Variants in ADAMTS20 observed in about 807,000 individuals in gnomAD.
ADAMTS20 encodes ADAM metallopeptidase with thrombospondin type 1 motif 20, also known as A disintegrin and metalloproteinase with thrombospondin motifs 20.
A neutral mutation model predicts 260.1 loss-of-function variants in ADAMTS20; 225 were observed. The ratio of observed to expected loss-of-function variants is 0.87; its 90% CI spans 0.78 to 0.97. ADAMTS20 has a LOEUF of 0.97. Among genes scored for constraint, ADAMTS20 ranks in the 50% least tolerant of loss-of-function variants. The pLI, the probability that ADAMTS20 is intolerant of heterozygous loss-of-function variation, is 0.00. For synonymous variants in ADAMTS20, 802 were observed against 769.5 expected, an observed-to-expected ratio of 1.04 and a Z score of -0.70; for missense variants, 2,400 against 2,337.7, an observed-to-expected ratio of 1.03 and a Z score of -0.55.
rs377677430 is a variant in ADAMTS20, at chr12:43,354,182, T to C, written c.*27A>G. ...AATATTCCAGAGAATATCCCCTCTT[T>C]AGGGCATACTTCCCCCTTCTAAATG... is the stretch of plus-strand genomic sequence containing the variant. On this transcript the variant is annotated 3_prime_UTR_variant, in exon 39 of 39. Transcript: ENST00000389420. 1.4e-5 allele frequency: 21 copies of C among 1,481,864 alleles called. 1 individual carries two copies. The highest frequency in any genetic ancestry group is 1.3e-4 in the South Asian group (11 of 82,280). The allele number at this position is 1,481,864 out of a possible 1,614,324, so 91.8% of individuals were successfully genotyped here.
chr12:43,472,856 C>T (rs1057494385), intron 7 of ADAMTS20, among the ~76,000 whole-genome samples: 1 of 149,148 alleles, frequency 6.7e-6, no homozygotes, highest in African/African-American at 2.5e-5. Context: ...TGGAAAGGAA[C>T]AACCGGTACC....
chr12:43,526,534 A>T (rs1488581813), intron 3 of ADAMTS20, among the ~76,000 whole-genome samples: 2 of 152,172 alleles, frequency 1.3e-5, no homozygotes, highest in African/African-American at 2.4e-5. Context: ...TCCAAAAGGA[A>T]CCCCTAAACT....
At chr12:43,533,214 CTGT>C (rs1943250234) in intron 2 of ADAMTS20, among the ~76,000 whole-genome samples, 1 of 103,654 alleles carries the variant, frequency 9.6e-6, no homozygotes, top group Admixed American at 1.0e-4. Context: ...TCTCCAGCAC[CTGT>C]TGTTTCCTGA....
intron 7 of ADAMTS20, among the ~76,000 whole-genome samples, chr12:43,480,747 A>G (rs1212490607): frequency 6.6e-6 from 1 of 152,148 alleles, no homozygotes; most frequent in African/African-American, 2.4e-5. Flanking sequence ...ATGGAATCTA[A>G]AAAAGTCGAA....
chr12:43,543,418 T>A (rs1347448649), intron 2 of ADAMTS20, among the ~76,000 whole-genome samples: 1 of 152,228 alleles, frequency 6.6e-6, no homozygotes, highest in East Asian at 1.9e-4. Flanking sequence ...CAGTGACTAC[T>A]AGGTGTCTCC....
At position 43,442,699 on chromosome 12, in the gene ADAMTS20, G is replaced by A. The variant is rs932244097; in HGVS notation, c.2290+1092C>T. 2.6e-5 allele frequency among the ~76,000 whole-genome samples: 4 copies of A among 152,100 alleles called. No homozygotes were observed. The South Asian group carries it at 8.3e-4, about 32-fold the overall frequency. On this transcript the variant is annotated intron_variant, in intron 16 of 38. Coordinates refer to ENST00000389420, the MANE Select transcript of ADAMTS20 (RefSeq NM_025003.5). ...CATATATCTATGTAAATGTACTGAA[G>A]CAATATTTTTAGCACAAGGAAAAGA...
At chr12:43,501,862 T>C (rs1439054179) in intron 4 of ADAMTS20, among the ~76,000 whole-genome samples, 1 of 152,206 alleles carries the variant, frequency 6.6e-6, no homozygotes, top group Non-Finnish European at 1.5e-5. Context: ...AGGATAGTCC[T>C]GTCACTAGAG....
At position 43,431,416 on chromosome 12, in the gene ADAMTS20, G is replaced by C. The variant is rs1441070106; in HGVS notation, c.3177C>G (p.Phe1059Leu). 2 of 1,613,976 alleles carry C rather than the reference G, an allele frequency of 1.2e-6. No homozygotes were observed. Among genetic ancestry groups the C allele is most frequent in the East Asian group, 4.5e-5 (2 of 44,882 alleles). ...QLNVDHLSDG[F>L]CNSSTKPESL... is the part of the protein sequence containing the mutation. Reference sequence around the variant, plus strand: ...ATTCAGGTTTGGTACTTGAATTACAGAAGCCATCACTCAAGTGATCTACAT... The same window carrying C: ...ATTCAGGTTTGGTACTTGAATTACACAAGCCATCACTCAAGTGATCTACAT... The change falls in exon 22 of 39, where the codon TTC (phenylalanine) becomes TTG (leucine). Residue 1059 changes from phenylalanine (F) to leucine (L), a missense_variant. Physicochemically the swap from Phe to Leu is conservative, Grantham distance 22. Coordinates refer to ENST00000389420, the MANE Select transcript of ADAMTS20 (RefSeq NM_025003.5).
At chr12:43,522,717 T>A (rs1943088995) in intron 3 of ADAMTS20, among the ~76,000 whole-genome samples, 1 of 152,194 alleles carries the variant, frequency 6.6e-6, no homozygotes, top group Admixed American at 6.5e-5. Context: ...GATGGTGGTG[T>A]TTGTGGGGGT....
intron 29 of ADAMTS20, among the ~76,000 whole-genome samples, chr12:43,391,460 G>T (rs1488800487): frequency 6.6e-6 from 1 of 152,138 alleles, no homozygotes; most frequent in Non-Finnish European, 1.5e-5. Context: ...TCAACTCTAG[G>T]ATGTCACATC....
intron 28 of ADAMTS20, among the ~76,000 whole-genome samples, chr12:43,403,740 G>A (rs1940858670): frequency 6.6e-6 from 1 of 152,058 alleles, no homozygotes. Flanking sequence ...AAAGAGTACT[G>A]CAGAATATCA....
chr12:43,423,964 C>A, intron 28 of ADAMTS20: 2 of 690,180 alleles, frequency 2.9e-6, no homozygotes, highest in South Asian at 3.1e-5. Flanking sequence ...TATCATCAGT[C>A]ACACTTTGAC....
intron 7 of ADAMTS20, among the ~76,000 whole-genome samples, chr12:43,480,149 G>A (rs982820577): frequency 5.9e-5 from 9 of 152,090 alleles, no homozygotes; most frequent in Non-Finnish European, 1.0e-4. Flanking sequence ...CTTCCGCAAA[G>A]TAAATCTTCT....
intron 28 of ADAMTS20, among the ~76,000 whole-genome samples, chr12:43,400,370 A>C (rs1321480147): frequency 6.6e-6 from 1 of 152,060 alleles, no homozygotes; most frequent in Non-Finnish European, 1.5e-5. Flanking sequence ...CAAATACTTT[A>C]AACTTTTAAA....
chr12:43,524,972 G>A (rs1057474741), intron 3 of ADAMTS20, among the ~76,000 whole-genome samples: 1 of 152,122 alleles, frequency 6.6e-6, no homozygotes, highest in Admixed American at 6.5e-5. Context: ...AAATAATTGA[G>A]GAAAACTTCC....
Position 43,532,030 on chromosome 12 carries a change from G to T in ADAMTS20, c.613+6C>A. ...TAGCTGAAAAGAGTTCTATTTCACA[G>T]TTTACCTGACACACTGCAATACTTC... On this transcript the variant is annotated splice_donor_region_variant and intron_variant, in intron 3 of 38. Coordinates refer to ENST00000389420, the MANE Select transcript of ADAMTS20 (RefSeq NM_025003.5). The T allele has an allele frequency of 6.6e-7, 1 of 1,521,866 alleles. No homozygotes were observed. The highest frequency in any genetic ancestry group is 8.8e-7 in the Non-Finnish European group (1 of 1,131,856). 94.3% of individuals were successfully genotyped at this position (1,521,866 alleles called of 1,614,324 possible).
rs139556416 is a variant in ADAMTS20 at position 43,435,976 on chromosome 12, G to A, written c.2594-1605C>T. On this transcript the variant is annotated intron_variant, in intron 18 of 38. Transcript: ENST00000389420. ...CTGTTTTATCAAAGTTCAACTTTGT[G>A]CTTCCAGTTAACTAAACATGATTAT... Among the ~76,000 whole-genome samples the A allele has an allele frequency of 7.2e-5, 11 of 152,198 alleles. No individual in the cohort carries two copies. In the East Asian group the frequency reaches 1.7e-3, roughly 24 times the overall value.
chr12:43,421,311 TTG>T (rs1941234067), intron 28 of ADAMTS20, among the ~76,000 whole-genome samples: 1 of 150,350 alleles, frequency 6.7e-6, no homozygotes, highest in East Asian at 2.0e-4. Flanking sequence ...TTCTCTTTTT[TTG>T]TGTGAGGAAA....
In ADAMTS20 at chr12:43,532,053, T is replaced by A. The variant is rs371237402; in HGVS notation, c.596A>T (p.Lys199Met). 1 of 1,601,766 alleles carries A rather than the reference T, an allele frequency of 6.2e-7. No individual in the cohort carries two copies. Among genetic ancestry groups the A allele is most frequent in the Non-Finnish European group, 8.5e-7 (1 of 1,173,720 alleles). The change falls in exon 3 of 39, where the codon AAG (lysine) becomes ATG (methionine). Residue 199 changes from lysine to methionine, a missense_variant. Transcript: ENST00000389420. ...DLNNSFLQTL[K>M]YCSVSESQIK... is the part of the protein sequence containing the mutation. The stretch of plus-strand genomic sequence containing the variant: ...CAGTTTACCTGACACACTGCAATAC[T>A]TCAGAGTCTGCAGAAAAGAGTTATT...
Sources: gnomAD v4.1 joint callset for allele counts (sites outside exome capture counted in the v4.1 genomes callset) on GRCh38, gnomAD v4.1.1 for gene constraint, MANE v1.5 for transcripts, NCBI Gene and HGNC (gene_info 2026-07-23, HGNC 2026-07-21) for gene names.